The following ADAM22 variants were observed in gnomAD, a reference collection of about 807,000 sequenced individuals.
ADAM22 encodes the protein ADAM metallopeptidase domain 22, also known as disintegrin and metalloproteinase domain-containing protein 22.
A neutral mutation model predicts 144.6 loss-of-function variants in ADAM22; 65 were observed. That is an observed-to-expected ratio of 0.45 (90% confidence interval 0.37 to 0.55). ADAM22 has a LOEUF of 0.55. Among genes scored for constraint, ADAM22 ranks in the 20% least tolerant of loss-of-function variants. The pLI is 0.00. For synonymous variants in ADAM22, 391 were observed against 412.6 expected (o/e 0.95, Z 0.63); for missense variants, 974 against 1,184.9 (o/e 0.82, Z 2.61).
At chr7:87,977,646 A>G (rs1852210126) in intron 2 of ADAM22, among the ~76,000 whole-genome samples, 1 of 152,202 alleles carries the variant, frequency 6.6e-6, no homozygotes, top group Non-Finnish European at 1.5e-5. Context: ...CAGTATGCAA[A>G]TATTAGTGCT....
intron 18 of ADAM22, 94 bp downstream of exon 18, chr7:88,149,151 T>TG (rs1837574301): frequency 1.2e-6 from 1 of 820,072 alleles, no homozygotes. Flanking sequence ...ATGAACAAGA[T>TG]GCTCGTGTCT....
chr7:88,187,892 C>T (rs1279030715), intron 30 of ADAM22, among the ~76,000 whole-genome samples: 2 of 152,056 alleles, frequency 1.3e-5, no homozygotes, highest in East Asian at 3.9e-4. Flanking sequence ...CCTGCCTGCT[C>T]ACAAAAATAT....
At position 88,054,334 on chromosome 7, in the gene ADAM22, T is replaced by C. The variant is rs902197245; in HGVS notation, c.324-21292T>C. Among the ~76,000 whole-genome samples, 7 of 152,260 alleles carry C rather than the reference T, an allele frequency of 4.6e-5. No individual in the cohort carries two copies. The East Asian group carries it at 1.4e-3, about 29-fold the overall frequency. On this transcript the variant is annotated intron_variant, in intron 3 of 31. Transcript: ENST00000413139. ...GTTTCCATCACATGCAACATTGCTC[T>C]AGCTGTTTTTGGCTTCCCCGTAGGG...
chr7:88,142,108 G>A (rs370971986), intron 14 of ADAM22, among the ~76,000 whole-genome samples: 4 of 151,862 alleles, frequency 2.6e-5, no homozygotes, highest in African/African-American at 9.7e-5. Context: ...CTTTTTGTCC[G>A]GTGGATCATA....
chr7:87,948,925 G>C (rs1325624203), intron 2 of ADAM22, among the ~76,000 whole-genome samples: 1 of 152,046 alleles, frequency 6.6e-6, no homozygotes, highest in Non-Finnish European at 1.5e-5. Flanking sequence ...AAATATTTAT[G>C]GTCTACTTTT....
In ADAM22 at chr7:87,973,415, G is replaced by A. The variant is rs568338301; in HGVS notation, c.247-4921G>A. On this transcript the variant is annotated intron_variant, in intron 2 of 31. Transcript: ENST00000413139. ...ACCATCTCACACCAGTTAGAATGGC[G>A]ATCATTAAAAAGTCAGGAAACAACA... Among the ~76,000 whole-genome samples the A allele has an allele frequency of 8.0e-3, 1,213 of 151,832 alleles. 2 individuals are homozygous for A. The highest frequency in any genetic ancestry group is 0.017 in the African/African-American group (690 of 41,380).
chr7:88,015,365 T>C (rs982592214), intron 3 of ADAM22, among the ~76,000 whole-genome samples: 1 of 152,208 alleles, frequency 6.6e-6, no homozygotes, highest in African/African-American at 2.4e-5. Context: ...TGCCATATTA[T>C]AGCAAAATAA....
chr7:88,109,469 G>T (rs1388271923), intron 5 of ADAM22, among the ~76,000 whole-genome samples: 1 of 151,842 alleles, frequency 6.6e-6, no homozygotes, highest in Admixed American at 6.6e-5. Context: ...TTACTTTTTG[G>T]CACAGAACAA....
intron 4 of ADAM22, among the ~76,000 whole-genome samples, chr7:88,105,458 C>T (rs768615007): frequency 7.9e-5 from 12 of 152,178 alleles, no homozygotes; most frequent in African/African-American, 1.2e-4. Flanking sequence ...CAGGAAATCA[C>T]GGGCATCTAA....
intron 2 of ADAM22, among the ~76,000 whole-genome samples, chr7:87,937,965 T>C (rs1562794973): frequency 6.6e-6 from 1 of 152,178 alleles, no homozygotes; most frequent in Non-Finnish European, 1.5e-5. Flanking sequence ...CTGCTTAAAC[T>C]ACAGGTGGAA....
At chr7:88,091,923 C>T (rs1462374560) in intron 4 of ADAM22, among the ~76,000 whole-genome samples, 1 of 151,968 alleles carries the variant, frequency 6.6e-6, no homozygotes, top group Non-Finnish European at 1.5e-5. Flanking sequence ...TTCTTTATTC[C>T]AAAGACCAAT....
chr7:87,959,424 C>T (rs183722852), intron 2 of ADAM22, among the ~76,000 whole-genome samples: 8 of 152,046 alleles, frequency 5.3e-5, no homozygotes, highest in African/African-American at 9.6e-5. Flanking sequence ...AACTGATACT[C>T]GGTGTCATAT....
At chr7:88,155,664 A>G (rs552073699) in intron 21 of ADAM22, among the ~76,000 whole-genome samples, 61 of 152,312 alleles carry the variant, frequency 4.0e-4, no homozygotes, top group African/African-American at 1.5e-3. Flanking sequence ...GTAAAGAAAA[A>G]GCTAGAAAAC....
At chr7:88,130,870 C>T (rs747777869) in intron 10 of ADAM22, among the ~76,000 whole-genome samples, 31 of 152,046 alleles carry the variant, frequency 2.0e-4, no homozygotes, top group Non-Finnish European at 1.9e-4. Flanking sequence ...GATGAGGCTG[C>T]GCTAGTACCT....
Position 87,952,484 on chromosome 7 carries a change from G to A in ADAM22, c.246+17298G>A, listed in dbSNP as rs1395319905. Among the ~76,000 whole-genome samples the A allele has an allele frequency of 3.9e-5, 6 of 152,148 alleles. No homozygotes were observed. In the East Asian group the frequency reaches 9.6e-4, roughly 24 times the overall value. On this transcript the variant is annotated intron_variant, in intron 2 of 31. Transcript: ENST00000413139. Reference sequence around the variant, plus strand: ...TATTGAACCAGCCTTGCATCCCAGGGATGAAGCCCACTTGATCATGGTGGA... The same window carrying A: ...TATTGAACCAGCCTTGCATCCCAGGAATGAAGCCCACTTGATCATGGTGGA...
At chr7:88,083,855 A>G (rs1361680752) in intron 4 of ADAM22, among the ~76,000 whole-genome samples, 1 of 152,118 alleles carries the variant, frequency 6.6e-6, no homozygotes, top group Non-Finnish European at 1.5e-5. Context: ...CCCTACAGAA[A>G]GGACAGGATT....
intron 3 of ADAM22, among the ~76,000 whole-genome samples, chr7:88,038,882 G>A (rs1802227294): frequency 1.3e-5 from 2 of 151,682 alleles, no homozygotes; most frequent in African/African-American, 2.4e-5. Context: ...CTGGGCTCAA[G>A]CAATCCTCCC....
intron 28 of ADAM22, 135 bp from the exon 29 acceptor site, chr7:88,181,823 A>G (rs1322656763): frequency 5.8e-6 from 5 of 863,162 alleles, no homozygotes; most frequent in Non-Finnish European, 9.1e-6. Flanking sequence ...AATTTGAGAA[A>G]GCTGTACAGT....
At position 88,150,974 on chromosome 7, in the gene ADAM22, T is replaced by C. The variant is rs1838185069; in HGVS notation, c.1567-7T>C. 8 of 1,612,178 alleles carry C rather than the reference T, an allele frequency of 5.0e-6. No homozygotes were observed. The highest frequency in any genetic ancestry group is 6.8e-6 in the Non-Finnish European group (8 of 1,178,586). The stretch of plus-strand genomic sequence containing the variant: ...CATTTCATTCATAGTTGTTCTCTTT[T>C]TCCTAGTGTGCCCCTAATATTCATA... On this transcript the variant is annotated splice_polypyrimidine_tract_variant and splice_region_variant and intron_variant, in intron 18 of 31. Coordinates refer to ENST00000413139, the MANE Select transcript of ADAM22 (RefSeq NM_001324418.2).
Sources: gnomAD v4.1 joint callset for allele counts (sites outside exome capture counted in the v4.1 genomes callset) on GRCh38, gnomAD v4.1.1 for gene constraint, MANE v1.5 for transcripts, NCBI Gene and HGNC (gene_info 2026-07-23, HGNC 2026-07-21) for gene names.